The following PCSK5 variants were observed in gnomAD, a reference collection of about 807,000 sequenced individuals.
PCSK5 encodes the protein proprotein convertase subtilisin/kexin type 5, also known as prohormone convertase 5.
PCSK5 carries 129 observed loss-of-function variants against 233.2 expected under a neutral mutation model. That is an observed-to-expected ratio of 0.55 (90% CI 0.48 to 0.64). PCSK5 has a LOEUF of 0.64. Ranked by LOEUF, PCSK5 falls within the 30% of genes least tolerant of loss-of-function variation. The pLI is 0.00. For missense variants in PCSK5, 2,076 were observed against 2,430.1 expected (o/e 0.85, Z 3.06); for synonymous variants, 825 against 879.2 (o/e 0.94, Z 1.09).
chr9:76,001,748 C>G (rs921230159), intron 3 of PCSK5, among the ~76,000 whole-genome samples: 2 of 152,058 alleles, frequency 1.3e-5, no homozygotes, highest in Admixed American at 6.6e-5. Flanking sequence ...ACTTGCCATT[C>G]TTTATTAGTC....
chr9:76,182,538 T>TTC (rs397703449), intron 16 of PCSK5, among the ~76,000 whole-genome samples: 2 of 151,442 alleles, frequency 1.3e-5, no homozygotes. Context: ...GTTTTTTTTT[T>TTC]CTAATGAATA....
At chr9:76,114,423 A>C (rs1328546137) in intron 9 of PCSK5, among the ~76,000 whole-genome samples, 1 of 152,150 alleles carries the variant, frequency 6.6e-6, no homozygotes, top group Non-Finnish European at 1.5e-5. Context: ...AGTTCAAATT[A>C]TGTAGAAGCC....
rs147843662 is a variant in PCSK5, at chr9:75,982,099, A to T, written c.298-4033A>T. ...TCCCTTTAAACCATTTGTAACTTAC[A>T]TTTTTTTTCCATTTTAACTGTATCA... On this transcript the variant is annotated intron_variant, in intron 2 of 37. Transcript: ENST00000674117. Among the ~76,000 whole-genome samples the T allele has an allele frequency of 1.5e-3, 233 of 151,986 alleles. 1 individual carries two copies. Among genetic ancestry groups the T allele is most frequent in the African/African-American group, 5.5e-3 (226 of 41,460 alleles).
At chr9:76,217,199 G>A (rs868173090) in intron 20 of PCSK5, among the ~76,000 whole-genome samples, 2 of 152,206 alleles carry the variant, frequency 1.3e-5, no homozygotes, top group South Asian at 4.1e-4. Flanking sequence ...TTAGGCAGGA[G>A]ACAAACAGGA....
At chr9:76,007,559 G>A (rs995352861) in intron 3 of PCSK5, among the ~76,000 whole-genome samples, 1 of 152,058 alleles carries the variant, frequency 6.6e-6, no homozygotes, top group African/African-American at 2.4e-5. Flanking sequence ...CATTTGGAGG[G>A]TGTGAGAGGA....
intron 20 of PCSK5, 121 bp downstream of exon 20, chr9:76,189,867 ATTTTGGTGGCATTCATTC>A: frequency 1.7e-6 from 1 of 586,904 alleles, no homozygotes; most frequent in Non-Finnish European, 3.0e-6. Flanking sequence ...CATGCTCAAT[ATTTTGGTGGCATTCATTC>A]ATCTTGAACT....
rs538178153 is a variant in PCSK5 at position 76,082,529 on chromosome 9, A to G, written c.894+10631A>G. 2.6e-5 allele frequency among the ~76,000 whole-genome samples: 4 copies of G among 152,306 alleles called. 1 individual carries two copies. The South Asian group carries it at 8.3e-4, about 32-fold the overall frequency. On this transcript the variant is annotated intron_variant, in intron 7 of 37. Coordinates refer to ENST00000674117, the MANE Select transcript of PCSK5 (RefSeq NM_001372043.1). ...TTTTCTAGATGGTGGGGAAAGATGA[A>G]TAGCACTCAGCCCTTGTCTTTGGGG...
At position 75,946,210 on chromosome 9, in the gene PCSK5, C is replaced by A. The variant is rs533908753; in HGVS notation, c.297+13727C>A. 2.0e-5 allele frequency among the ~76,000 whole-genome samples: 3 copies of A among 152,268 alleles called. No individual in the cohort carries two copies. The South Asian group carries it at 6.2e-4, about 32-fold the overall frequency. On this transcript the variant is annotated intron_variant, in intron 2 of 37. Transcript: ENST00000674117. ...AATTTTTTTCTTTATTCTTCTAGTA[C>A]TGACATCATTTTATGGTGATGTACA...
chr9:76,294,917 C>T (rs1828389781), intron 25 of PCSK5, among the ~76,000 whole-genome samples: 1 of 152,074 alleles, frequency 6.6e-6, no homozygotes, highest in African/African-American at 2.4e-5. Context: ...CTTTGGGAGG[C>T]AGAGGTGGGC....
chr9:76,127,515 G>C (rs1269100219), intron 9 of PCSK5, among the ~76,000 whole-genome samples: 1 of 152,222 alleles, frequency 6.6e-6, no homozygotes, highest in Non-Finnish European at 1.5e-5. Flanking sequence ...GTGAAAACCA[G>C]ATCTTTTTGA....
chr9:76,299,438 G>A (rs1369174159), intron 27 of PCSK5, among the ~76,000 whole-genome samples: 1 of 152,162 alleles, frequency 6.6e-6, no homozygotes, highest in African/African-American at 2.4e-5. Flanking sequence ...GGAGGCCGAG[G>A]CGGGTGGATC....
intron 3 of PCSK5, among the ~76,000 whole-genome samples, chr9:75,995,733 G>C (rs1031524474): frequency 2.5e-5 from 3 of 118,342 alleles, no homozygotes; most frequent in African/African-American, 1.0e-4. Flanking sequence ...ACTTTTAACA[G>C]GATTCATTCA....
intron 2 of PCSK5, among the ~76,000 whole-genome samples, chr9:75,960,566 T>A (rs1825305870): frequency 6.6e-6 from 1 of 152,220 alleles, no homozygotes; most frequent in South Asian, 2.1e-4. Flanking sequence ...AAAGGAAATT[T>A]AAGACGCCAA....
intron 11 of PCSK5, among the ~76,000 whole-genome samples, chr9:76,157,750 C>A (rs1822657728): frequency 6.7e-6 from 1 of 149,270 alleles, no homozygotes; most frequent in Non-Finnish European, 1.5e-5. Context: ...CATTGTCATT[C>A]TTGAGAAAAT....
chr9:76,173,495 C>CTTTTTTTTTTTTTTTTTTTTTT lies in PCSK5; in HGVS notation c.1757-1491_1757-1490insTTTTTTTTTTTTTTTTTTTTTT, dbSNP rs1587715951. Among the ~76,000 whole-genome samples, 36 of 34,596 alleles carry CTTTTTTTTTTTTTTTTTTTTTT rather than the reference C, an allele frequency of 1.0e-3. 1 individual carries two copies. The highest frequency in any genetic ancestry group is 4.4e-3 in the East Asian group (5 of 1,132). The allele number at this position is 34,596 out of a possible 152,430, so 22.7% of individuals were successfully genotyped here. A position where few individuals can be genotyped will look rare whatever the true frequency, so the allele number is the denominator to read the frequency against. On this transcript the variant is annotated intron_variant, in intron 13 of 37. Coordinates refer to ENST00000674117, the MANE Select transcript of PCSK5 (RefSeq NM_001372043.1). ...ACTTTAATGAAATGGAGGCACGTTTCCTTTTTTTTTTTTTTTTTTTTTTTT... is the reference window on the plus strand; with the variant it reads ...ACTTTAATGAAATGGAGGCACGTTTCTTTTTTTTTTTTTTTTTTTTTTCTTTTTTTTTTTTTTTTTTTTTTTT...
In PCSK5 at chr9:76,042,737, G is replaced by C. The variant is rs188323941; in HGVS notation, c.632+15700G>C. 9.9e-3 allele frequency among the ~76,000 whole-genome samples: 1,513 copies of C among 152,298 alleles called. 11 individuals carry two copies. Among genetic ancestry groups the C allele is most frequent in the Non-Finnish European group, 0.016 (1,068 of 68,026 alleles). ...TTGCCTGAGGAAGTATTTTCCCTTA[G>C]CTAGAAATAAGAAGCACTCCACTCC... On this transcript the variant is annotated intron_variant, in intron 5 of 37. Coordinates refer to ENST00000674117, the MANE Select transcript of PCSK5 (RefSeq NM_001372043.1).
intron 30 of PCSK5, among the ~76,000 whole-genome samples, chr9:76,316,977 A>G (rs2258131): frequency 0.93 from 140,765 of 152,128 alleles, 65,258 homozygotes; most frequent in African/African-American, 0.98. Flanking sequence ...ACTGTGTGAG[A>G]AAGCTCAATC....
intron 2 of PCSK5, among the ~76,000 whole-genome samples, chr9:75,973,568 C>G (rs1412679638): frequency 6.6e-6 from 1 of 152,156 alleles, no homozygotes; most frequent in Admixed American, 6.5e-5. Flanking sequence ...ACTTGGAGAC[C>G]CGACCTTGGC....
chr9:76,227,165 A>G (rs748366942), intron 20 of PCSK5, among the ~76,000 whole-genome samples: 2 of 152,156 alleles, frequency 1.3e-5, no homozygotes, highest in African/African-American at 2.4e-5. Flanking sequence ...TCAGCTTTTA[A>G]TGGAAAAGTC....
Sources: gnomAD v4.1 joint callset for allele counts (sites outside exome capture counted in the v4.1 genomes callset) on GRCh38, gnomAD v4.1.1 for gene constraint, MANE v1.5 for transcripts, NCBI Gene and HGNC (gene_info 2026-07-23, HGNC 2026-07-21) for gene names.